The following TRPM1 variants were observed in gnomAD, a reference collection of about 807,000 sequenced individuals.
TRPM1 encodes transient receptor potential cation channel subfamily M member 1.
TRPM1 carries 113 observed loss-of-function variants against 149.4 expected under a neutral mutation model. That is an observed-to-expected ratio of 0.76 (90% confidence interval 0.65 to 0.88). The LOEUF is 0.88. Among genes scored for constraint, TRPM1 ranks in the 40% least tolerant of loss-of-function variants. TRPM1 has a pLI of 0.00. For missense variants in TRPM1, 1,976 were observed against 2,038.7 expected, an observed-to-expected ratio of 0.97 and a Z score of 0.59; for synonymous variants, 741 against 759.5, an observed-to-expected ratio of 0.98 and a Z score of 0.40.
intron 1 of TRPM1, among the ~76,000 whole-genome samples, chr15:31,093,866 GT>G (rs2035306923): frequency 6.6e-6 from 1 of 152,066 alleles, no homozygotes; most frequent in Non-Finnish European, 1.5e-5. Context: ...GCCTCCCAAA[GT>G]GCTGGGATTA....
rs981142947 is a variant in TRPM1 at position 31,095,821 on chromosome 15, A to C, written c.-84+5836T>G. Among the ~76,000 whole-genome samples the C allele has an allele frequency of 4.6e-5, 7 of 151,932 alleles. No homozygotes were observed. In the East Asian group the frequency reaches 1.3e-3, roughly 29 times the overall value. On this transcript the variant is annotated intron_variant, in intron 1 of 27. Transcript: ENST00000256552. ...CACTTTGGGAGGCCAAGGTGGGTGG[A>C]TCTCTGGAGGTCAGGAGTTCGAGAC...
intron 1 of TRPM1, among the ~76,000 whole-genome samples, chr15:31,088,380 A>G (rs2035065494): frequency 6.6e-6 from 1 of 152,154 alleles, no homozygotes. Context: ...TCCCTTGGCA[A>G]TAAATGTTAT....
In TRPM1 at chr15:31,085,598, T is replaced by C. The variant is rs79837673; in HGVS notation, c.-83-4160A>G. 3.6e-3 allele frequency among the ~76,000 whole-genome samples: 545 copies of C among 152,314 alleles called. 2 individuals carry two copies. The highest frequency in any genetic ancestry group is 0.013 in the African/African-American group (521 of 41,554). The stretch of plus-strand genomic sequence containing the variant: ...CCAATCGCATGTGTTGATGTCCTAA[T>C]TCAAGGTGGTGCTGGTCAGATACCA... On this transcript the variant is annotated intron_variant, in intron 1 of 27. Coordinates refer to ENST00000256552, the MANE Select transcript of TRPM1 (RefSeq NM_001252024.2).
rs1271436249 is a variant in TRPM1, at chr15:31,040,848, C to T, written c.2088-502G>A. On this transcript the variant is annotated intron_variant, in intron 17 of 27. Coordinates refer to ENST00000256552, the MANE Select transcript of TRPM1 (RefSeq NM_001252024.2). This position sits in a 1 kb window ranked among gnomAD's most constrained non-coding sequence, Gnocchi z 4.2. ...TAGTTGATCTGGGTGCTGGTGGTGCCGGCATGTCCCACCTGTGGACTGTCA... is the reference window on the plus strand; with the variant it reads ...TAGTTGATCTGGGTGCTGGTGGTGCTGGCATGTCCCACCTGTGGACTGTCA... Among the ~76,000 whole-genome samples, 1 of 152,086 alleles carries T rather than the reference C, an allele frequency of 6.6e-6. No individual in the cohort carries two copies. Among genetic ancestry groups the T allele is most frequent in the African/African-American group, 2.4e-5 (1 of 41,418 alleles).
chr15:31,004,280 A>T lies in TRPM1; in HGVS notation c.3630-1210T>A, dbSNP rs1276866832. ...CGTACTGCTGGCTCTCCTCTTATCC[A>T]TCCATTTCACGGTGGTCAGCCACCC... On this transcript the variant is annotated intron_variant, in intron 27 of 27. Coordinates refer to ENST00000256552, the MANE Select transcript of TRPM1 (RefSeq NM_001252024.2). 2.8e-5 allele frequency among the ~76,000 whole-genome samples: 4 copies of T among 144,608 alleles called. No homozygotes were observed. The East Asian group carries it at 8.1e-4, about 29-fold the overall frequency. The allele number at this position is 144,608 out of a possible 152,430, so 94.9% of individuals were successfully genotyped here. A position where few individuals can be genotyped will look rare whatever the true frequency, so the allele number is the denominator to read the frequency against.
At chr15:31,078,133 T>G (rs965031366) in intron 2 of TRPM1, among the ~76,000 whole-genome samples, 2 of 151,818 alleles carry the variant, frequency 1.3e-5, no homozygotes, top group East Asian at 1.9e-4. Context: ...CCATGAGGAG[T>G]GCCCCATGTG....
chr15:31,063,346 A>G (rs1052633595), intron 7 of TRPM1, 54 bp from the exon 8 acceptor site: 2 of 1,611,860 alleles, frequency 1.2e-6, no homozygotes, highest in Non-Finnish European at 1.7e-6. Context: ...CTGTCCACCC[A>G]GTCGTTTTAA....
chr15:31,091,745 AGTGTCT>A (rs1196295259), intron 1 of TRPM1, among the ~76,000 whole-genome samples: 1 of 152,206 alleles, frequency 6.6e-6, no homozygotes, highest in African/African-American at 2.4e-5. Context: ...ACTCATGGTC[AGTGTCT>A]GGGCTGCTCA....
At chr15:31,088,782 C>T (rs560684959) in intron 1 of TRPM1, among the ~76,000 whole-genome samples, 1 of 144,236 alleles carries the variant, frequency 6.9e-6, no homozygotes, top group African/African-American at 2.7e-5. Flanking sequence ...TGGTATCAAA[C>T]ACCTGAACGT....
At chr15:31,019,537 G>A (rs2032484092) in intron 27 of TRPM1, among the ~76,000 whole-genome samples, 1 of 152,172 alleles carries the variant, frequency 6.6e-6, no homozygotes. Flanking sequence ...GAGTGGCTGG[G>A]ATTACAGATG....
intron 27 of TRPM1, among the ~76,000 whole-genome samples, chr15:31,013,491 A>G (rs1042273980): frequency 1.3e-5 from 2 of 152,136 alleles, no homozygotes; most frequent in Non-Finnish European, 2.9e-5. Flanking sequence ...AAAATAGCTA[A>G]AATAGTTGAG....
chr15:31,156,157 A>G (rs1354566698), intron 1 of TRPM1, among the ~76,000 whole-genome samples: 4 of 135,484 alleles, frequency 3.0e-5, no homozygotes, highest in Admixed American at 8.4e-5. Context: ...AGATTGTACC[A>G]CTGCACTCCA....
At position 31,038,215 on chromosome 15, in the gene TRPM1, G is replaced by A. The variant is rs191758230; in HGVS notation, c.2317-49C>T. 2.5e-6 allele frequency: 4 copies of A among 1,606,794 alleles called. No homozygotes were observed. The East Asian group carries it at 9.0e-5, about 36-fold the overall frequency. On this transcript the variant is annotated intron_variant, in intron 18 of 27. Coordinates refer to ENST00000256552, the MANE Select transcript of TRPM1 (RefSeq NM_001252024.2). ...TAAGCTGTGGCAATTCTAGAAAAAT[G>A]TCCCAGCATAGTTAAAATTTTTAAA...
At chr15:31,114,506 C>G (rs1243028042) in intron 1 of TRPM1, among the ~76,000 whole-genome samples, 1 of 152,046 alleles carries the variant, frequency 6.6e-6, no homozygotes, top group Admixed American at 6.6e-5. Context: ...ATAATAAACA[C>G]AAAGAAATAC....
rs201890748 is a variant in TRPM1 at position 31,026,201 on chromosome 15, G to C, written c.3567C>G (p.Phe1189Leu). Residue 1189 changes from phenylalanine to leucine, a missense_variant, in exon 27 of 28, where the codon TTC becomes TTG. Physicochemically the swap from Phe to Leu is conservative, Grantham distance 22. Transcript: ENST00000256552. ...EFEEQCVQEHFREKEDEQQSS... is the reference protein window; with the variant it reads ...EFEEQCVQEHLREKEDEQQSS... Reference sequence around the variant, plus strand: ...ACTGCTGCTCATCCTCCTTCTCCCGGAAGTGCTCCTGCACGCACTGCTCCT... The same window carrying C: ...ACTGCTGCTCATCCTCCTTCTCCCGCAAGTGCTCCTGCACGCACTGCTCCT... The C allele has an allele frequency of 1.2e-4, 195 of 1,612,576 alleles. No homozygotes were observed. Among genetic ancestry groups the C allele is most frequent in the Admixed American group, 9.0e-4 (54 of 60,030 alleles).
At chr15:31,113,411 A>C (rs763831056) in intron 1 of TRPM1, among the ~76,000 whole-genome samples, 11 of 147,082 alleles carry the variant, frequency 7.5e-5, no homozygotes, top group African/African-American at 1.3e-4. Flanking sequence ...TGCATACAGA[A>C]TTCAATACCC....
intron 1 of TRPM1, among the ~76,000 whole-genome samples, chr15:31,140,958 A>G (rs1288637294): frequency 6.6e-6 from 1 of 151,556 alleles, no homozygotes; most frequent in Admixed American, 6.6e-5. Context: ...AGTAGCTTGG[A>G]TAACAGGTGC....
intron 27 of TRPM1, among the ~76,000 whole-genome samples, chr15:31,021,262 C>T (rs1178281274): frequency 6.6e-6 from 1 of 152,226 alleles, no homozygotes; most frequent in Non-Finnish European, 1.5e-5. Context: ...ACTGATCTCT[C>T]TTTCAGTTCC....
intron 1 of TRPM1, among the ~76,000 whole-genome samples, chr15:31,095,815 G>C (rs1365992795): frequency 6.6e-6 from 1 of 151,762 alleles, no homozygotes; most frequent in Non-Finnish European, 1.5e-5. Flanking sequence ...AGGCCAAGGT[G>C]GGTGGATCTC....
Sources: gnomAD v4.1 joint callset for allele counts (sites outside exome capture counted in the v4.1 genomes callset) on GRCh38, gnomAD v4.1.1 for gene constraint, Gnocchi (gnomAD v3.1) non-coding constraint, MANE v1.5 for transcripts, NCBI Gene and HGNC (gene_info 2026-07-23, HGNC 2026-07-21) for gene names.